Variants in IPO11 observed in about 807,000 individuals in gnomAD.
The protein encoded by IPO11 is importin-11.
IPO11 carries 66 observed loss-of-function variants against 143.2 expected under a neutral mutation model. That is an observed-to-expected ratio of 0.46 (90% CI 0.38 to 0.57). The LOEUF (loss-of-function observed/expected upper bound fraction) is 0.57, where lower values mean the gene tolerates loss of function less well. IPO11 is among the 20% of genes least tolerant of loss of function. IPO11 has a pLI of 0.00. For synonymous variants in IPO11, 385 were observed against 377.8 expected, an observed-to-expected ratio of 1.02 and a Z score of -0.22; for missense variants, 1,026 against 1,141.0, an observed-to-expected ratio of 0.90 and a Z score of 1.45.
intron 16 of IPO11, among the ~76,000 whole-genome samples, chr5:62,497,971 AT>A (rs1294298222): frequency 6.6e-6 from 1 of 151,480 alleles, no homozygotes. Context: ...TGTTTCTGGA[AT>A]TTGTGCCGTT....
chr5:62,430,471 C>G lies in IPO11; in HGVS notation c.-6-6803C>G, dbSNP rs182214200. On this transcript the variant is annotated intron_variant, in intron 1 of 29. Coordinates refer to ENST00000325324, the MANE Select transcript of IPO11 (RefSeq NM_016338.5). Reference sequence around the variant, plus strand: ...AAGTAGCTGGGACCACAGGCGTGTGCCATCACACCTGACTAACTTTTTCTA... The same window carrying G: ...AAGTAGCTGGGACCACAGGCGTGTGGCATCACACCTGACTAACTTTTTCTA... 2.4e-3 allele frequency among the ~76,000 whole-genome samples: 364 copies of G among 152,150 alleles called. 6 individuals are homozygous for G. The highest frequency in any genetic ancestry group is 0.021 in the Admixed American group (322 of 15,274).
At chr5:62,606,480 T>TAAAAAAAAAA (rs760722973) in intron 29 of IPO11, among the ~76,000 whole-genome samples, 11 of 56,106 alleles carry the variant, frequency 2.0e-4, no homozygotes, top group African/African-American at 9.1e-4. Flanking sequence ...GACCCTGTCT[T>TAAAAAAAAAA]AAAAAAAAAA....
chr5:62,591,233 A>T (rs1248072225), intron 27 of IPO11, among the ~76,000 whole-genome samples: 1 of 152,052 alleles, frequency 6.6e-6, no homozygotes, highest in Non-Finnish European at 1.5e-5. Context: ...TTTTCTTCAC[A>T]GTGTCATTAG....
intron 28 of IPO11, among the ~76,000 whole-genome samples, chr5:62,598,457 TC>T (rs1745338589): frequency 5.3e-4 from 2 of 3,782 alleles, no homozygotes; most frequent in Non-Finnish European, 4.4e-4. Context: ...TCTCTCTCTC[TC>T]TCTCTCTCTC....
chr5:62,529,046 T>G (rs952997044), intron 21 of IPO11, among the ~76,000 whole-genome samples: 1 of 152,202 alleles, frequency 6.6e-6, no homozygotes, highest in Non-Finnish European at 1.5e-5. Flanking sequence ...ATATCTGCTC[T>G]TATGTTTATT....
intron 24 of IPO11, among the ~76,000 whole-genome samples, chr5:62,541,788 T>TA (rs1382307463): frequency 6.6e-6 from 1 of 152,226 alleles, no homozygotes; most frequent in East Asian, 1.9e-4. Context: ...CAAACTAACT[T>TA]ACTGCATATC....
intron 29 of IPO11, among the ~76,000 whole-genome samples, chr5:62,603,479 AT>A (rs201499134): frequency 1.3e-4 from 20 of 152,114 alleles, no homozygotes; most frequent in Non-Finnish European, 2.2e-4. Context: ...TCATTCTTTC[AT>A]TTTTGCAACC....
At chr5:62,497,179 A>T (rs899068224) in intron 16 of IPO11, among the ~76,000 whole-genome samples, 18 of 152,190 alleles carry the variant, frequency 1.2e-4, no homozygotes, top group Admixed American at 9.8e-4. Context: ...GCTGTGACGG[A>T]GTAGAAGTAG....
intron 20 of IPO11, among the ~76,000 whole-genome samples, chr5:62,524,326 G>C (rs1006415699): frequency 6.6e-6 from 1 of 152,046 alleles, no homozygotes; most frequent in Non-Finnish European, 1.5e-5. Flanking sequence ...TGAAGGATAC[G>C]TGGGATTTCT....
At chr5:62,530,477 G>T (rs1170981866) in intron 21 of IPO11, among the ~76,000 whole-genome samples, 4 of 152,182 alleles carry the variant, frequency 2.6e-5, no homozygotes, top group Non-Finnish European at 4.4e-5. Flanking sequence ...AGGGTCAACT[G>T]TAGTTACTTT....
In IPO11 at chr5:62,465,896, G is replaced by A. The variant is rs924130000; in HGVS notation, c.517-1235G>A. On this transcript the variant is annotated intron_variant, in intron 5 of 29. Transcript: ENST00000325324. ...AGAAAGAATGGCACAGAAACAATAG[G>A]AGATAGATGACTCTAATGTGACTTG... Among the ~76,000 whole-genome samples, 3 of 152,212 alleles carry A rather than the reference G, an allele frequency of 2.0e-5. 1 individual carries two copies. The highest frequency in any genetic ancestry group is 7.2e-5 in the African/African-American group (3 of 41,468).
chr5:62,444,967 A>C lies in IPO11; in HGVS notation c.239+1884A>C, dbSNP rs189884346. 4.0e-5 allele frequency among the ~76,000 whole-genome samples: 6 copies of C among 151,664 alleles called. No homozygotes were observed. In the East Asian group the frequency reaches 1.2e-3, roughly 29 times the overall value. On this transcript the variant is annotated intron_variant, in intron 3 of 29. Coordinates refer to ENST00000325324, the MANE Select transcript of IPO11 (RefSeq NM_016338.5). The stretch of plus-strand genomic sequence containing the variant: ...GTTTTGAAGGGAAAGTAAATTATTA[A>C]ATATTTCATGTTGTACTTTTACATA...
intron 24 of IPO11, among the ~76,000 whole-genome samples, chr5:62,542,271 GA>G (rs1742982395): frequency 1.3e-5 from 2 of 151,850 alleles, no homozygotes; most frequent in African/African-American, 4.8e-5. Flanking sequence ...AAAAATCTCA[GA>G]AACTAGATTT....
intron 16 of IPO11, among the ~76,000 whole-genome samples, chr5:62,495,445 G>A (rs1309610460): frequency 6.6e-6 from 1 of 152,160 alleles, no homozygotes; most frequent in African/African-American, 2.4e-5. Context: ...TTTTCTTTGG[G>A]AAATAGAGAA....
chr5:62,472,905 T>A (rs979370148), intron 7 of IPO11, among the ~76,000 whole-genome samples: 2 of 152,204 alleles, frequency 1.3e-5, no homozygotes, highest in African/African-American at 2.4e-5. Flanking sequence ...TTCTGGGCCC[T>A]GAAGGCAGGC....
intron 27 of IPO11, among the ~76,000 whole-genome samples, chr5:62,590,046 A>G (rs1445122835): frequency 6.6e-6 from 1 of 152,152 alleles, no homozygotes; most frequent in Non-Finnish European, 1.5e-5. Context: ...TTTGGTCAGT[A>G]TAAAGTTCTG....
intron 29 of IPO11, among the ~76,000 whole-genome samples, chr5:62,623,690 A>C (rs1746455785): frequency 7.1e-6 from 1 of 141,440 alleles, no homozygotes; most frequent in South Asian, 2.2e-4. Flanking sequence ...CTTGTTGCCC[A>C]GGCTAGAGTG....
At chr5:62,518,434 ACTCTGT>A (rs1742097186) in intron 20 of IPO11, among the ~76,000 whole-genome samples, 1 of 149,452 alleles carries the variant, frequency 6.7e-6, no homozygotes, top group East Asian at 2.0e-4. Flanking sequence ...ACATAGCGAG[ACTCTGT>A]CTCAAAAAAA....
At position 62,551,325 on chromosome 5, in the gene IPO11, T is replaced by C; in HGVS notation, c.2449T>C (p.Phe817Leu). The change falls in exon 26 of 30, where the codon TTT becomes CTT. Residue 817 changes from phenylalanine to leucine, a missense_variant. Transcript: ENST00000325324. Reference protein sequence around the residue: ...SSLLNEMAHKFNQEMDQLLGN... With the variant: ...SSLLNEMAHKLNQEMDQLLGN... Reference sequence around the variant, plus strand: ...ACTACTTAATGAGATGGCCCATAAATTTAATCAGGAGGTAAGAATCAATAT... The same window carrying C: ...ACTACTTAATGAGATGGCCCATAAACTTAATCAGGAGGTAAGAATCAATAT... The C allele has an allele frequency of 6.5e-7, 1 of 1,544,230 alleles. No individual in the cohort carries two copies. The highest frequency in any genetic ancestry group is 8.9e-7 in the Non-Finnish European group (1 of 1,118,706).
Sources: allele counts gnomAD v4.1 joint callset (sites outside exome capture counted in the v4.1 genomes callset), GRCh38; gene constraint gnomAD v4.1.1; transcripts MANE v1.5; gene names NCBI Gene and HGNC (gene_info 2026-07-23, HGNC 2026-07-21).